MAP2K1: variants seen among roughly 807,000 people sequenced by gnomAD.
The protein encoded by MAP2K1 is dual specificity mitogen-activated protein kinase kinase 1.
In MAP2K1, 16 loss-of-function variants were observed where a neutral mutation model predicts 46.3. That is an observed-to-expected ratio of 0.35 (90% CI 0.23 to 0.52). MAP2K1 has a LOEUF of 0.52. Ranked by LOEUF, MAP2K1 falls within the 20% of genes least tolerant of loss-of-function variation. The pLI, the probability that MAP2K1 is intolerant of heterozygous loss-of-function variation, is 0.94. For missense variants in MAP2K1, 263 were observed against 497.1 expected, an observed-to-expected ratio of 0.53 and a Z score of 4.48; for synonymous variants, 183 against 185.6, an observed-to-expected ratio of 0.99 and a Z score of 0.11.
At chr15:66,458,489 G>A (rs772499623) in intron 5 of MAP2K1, among the ~76,000 whole-genome samples, 1 of 151,754 alleles carries the variant, frequency 6.6e-6, no homozygotes, top group Admixed American at 6.6e-5. Flanking sequence ...TAAATTTTAC[G>A]TATTTATGTG....
intron 5 of MAP2K1, 97 bp downstream of exon 5, chr15:66,444,804 G>A (rs1469616210): frequency 9.8e-7 from 1 of 1,017,268 alleles, no homozygotes; most frequent in East Asian, 2.4e-5. Flanking sequence ...TCGTGTAAAA[G>A]CCTTTTAATA....
intron 1 of MAP2K1, among the ~76,000 whole-genome samples, chr15:66,387,687 AG>A (rs1287303133): frequency 6.6e-6 from 1 of 152,190 alleles, no homozygotes; most frequent in Non-Finnish European, 1.5e-5. Context: ...GCCACTGTAC[AG>A]TCTTCTCCCA....
At chr15:66,439,802 G>A (rs2093498613) in intron 3 of MAP2K1, among the ~76,000 whole-genome samples, 1 of 151,874 alleles carries the variant, frequency 6.6e-6, no homozygotes, top group African/African-American at 2.4e-5. Flanking sequence ...TGGCGTGGAG[G>A]CAGGTGCCTA....
intron 5 of MAP2K1, among the ~76,000 whole-genome samples, chr15:66,476,790 AG>A (rs1892764341): frequency 6.6e-6 from 1 of 152,208 alleles, no homozygotes; most frequent in African/African-American, 2.4e-5. Flanking sequence ...TGCTGGAGAC[AG>A]GAACAGTGTG....
At chr15:66,432,535 A>G (rs1456958468) in intron 1 of MAP2K1, among the ~76,000 whole-genome samples, 1 of 152,224 alleles carries the variant, frequency 6.6e-6, no homozygotes, top group Non-Finnish European at 1.5e-5. Context: ...CAGATCCATC[A>G]TCAGATTGAT....
At chr15:66,387,488 A>G in intron 1 of MAP2K1, 61 bp downstream of exon 1, 1 of 1,493,600 alleles carries the variant, frequency 6.7e-7, no homozygotes, top group Non-Finnish European at 9.1e-7. Flanking sequence ...GCCGGGGAGC[A>G]GGAGCGCGCG....
chr15:66,417,172 G>A (rs1214147845), intron 1 of MAP2K1, among the ~76,000 whole-genome samples: 1 of 152,096 alleles, frequency 6.6e-6, no homozygotes, highest in Admixed American at 6.5e-5. Context: ...TTTTAATTAA[G>A]TTTCTTTCTG....
chr15:66,387,455 G>A (rs374238278), intron 1 of MAP2K1, 28 bp downstream of exon 1: 1 of 1,549,362 alleles, frequency 6.5e-7, no homozygotes, highest in South Asian at 1.2e-5. Flanking sequence ...GGTGAACCTC[G>A]GGGCCCGGCT....
rs1398952648 is a variant in MAP2K1 at position 66,387,120 on chromosome 15, GCT to G, written c.-223_-222del. On this transcript the variant is annotated 5_prime_UTR_variant, in exon 1 of 11. Transcript: ENST00000307102. ...TCCGCTCCTGCAGGGCAGCCTTTCG[GCT>G]CTCTGCGCGCGAAGCCGAGTCCCGG... 1.4e-5 allele frequency: 6 copies of G among 443,304 alleles called. No individual in the cohort carries two copies. The highest frequency in any genetic ancestry group is 1.1e-4 in the East Asian group (3 of 26,806). The allele number at this position is 443,304 out of a possible 1,614,324, so 27.5% of individuals were successfully genotyped here. A position where few individuals can be genotyped will look rare whatever the true frequency, so the allele number is the denominator to read the frequency against.
chr15:66,432,047 A>C (rs2093476299), intron 1 of MAP2K1, among the ~76,000 whole-genome samples: 1 of 152,228 alleles, frequency 6.6e-6, no homozygotes. Flanking sequence ...ATGTCTGCAT[A>C]GTATTCCATG....
chr15:66,418,967 T>G (rs1227961920), intron 1 of MAP2K1, among the ~76,000 whole-genome samples: 1 of 107,010 alleles, frequency 9.3e-6, no homozygotes, highest in South Asian at 2.9e-4. Context: ...TTTTTTTTTT[T>G]CCTTTTTTCT....
At chr15:66,388,357 G>T (rs1392172962) in intron 1 of MAP2K1, among the ~76,000 whole-genome samples, 1 of 152,092 alleles carries the variant, frequency 6.6e-6, no homozygotes, top group Non-Finnish European at 1.5e-5. Flanking sequence ...GAAAAGATTA[G>T]GTTATTATTA....
intron 1 of MAP2K1, among the ~76,000 whole-genome samples, chr15:66,410,115 T>C (rs934843872): frequency 6.6e-6 from 1 of 152,218 alleles, no homozygotes; most frequent in African/African-American, 2.4e-5. Context: ...TCCGGATCCG[T>C]TGACTTCTCT....
chr15:66,490,793 TTATTAC>T lies in MAP2K1; in HGVS notation c.*184_*189del, dbSNP rs1451771566. Reference sequence around the variant, plus strand: ...ATTTTTAATATTACTGTCTTTATTCTTATTACTATTATTGTTCCCCTAAGTGGATTG... The same window carrying T: ...ATTTTTAATATTACTGTCTTTATTCTTATTATTGTTCCCCTAAGTGGATTG... On this transcript the variant is annotated 3_prime_UTR_variant, in exon 11 of 11. Transcript: ENST00000307102. 1.0e-5 allele frequency: 7 copies of T among 684,996 alleles called. No individual in the cohort carries two copies. In the East Asian group the frequency reaches 1.6e-4, roughly 16 times the overall value. The allele number at this position is 684,996 out of a possible 1,614,324, so 42.4% of individuals were successfully genotyped here. A position where few individuals can be genotyped will look rare whatever the true frequency, so the allele number is the denominator to read the frequency against.
At chr15:66,432,403 G>A (rs1033725928) in intron 1 of MAP2K1, among the ~76,000 whole-genome samples, 8 of 152,220 alleles carry the variant, frequency 5.3e-5, no homozygotes, top group Admixed American at 1.3e-4. Flanking sequence ...TCCAGAAGGT[G>A]TAAGAATTAC....
At chr15:66,429,969 C>T (rs527809493) in intron 1 of MAP2K1, among the ~76,000 whole-genome samples, 2 of 152,200 alleles carry the variant, frequency 1.3e-5, no homozygotes, top group East Asian at 1.9e-4. Context: ...GTCACATTGA[C>T]GGACTTGAAC....
At chr15:66,390,585 G>T (rs2093354098) in intron 1 of MAP2K1, among the ~76,000 whole-genome samples, 1 of 152,080 alleles carries the variant, frequency 6.6e-6, no homozygotes, top group Non-Finnish European at 1.5e-5. Context: ...GGTCCTCAAA[G>T]AAAAATCATG....
chr15:66,400,656 C>G (rs190261608), intron 1 of MAP2K1, among the ~76,000 whole-genome samples: 2 of 152,178 alleles, frequency 1.3e-5, no homozygotes, highest in African/African-American at 2.4e-5. Context: ...TTTAGAGGCT[C>G]AGTTACATGT....
chr15:66,390,433 A>AT (rs2093353781), intron 1 of MAP2K1, among the ~76,000 whole-genome samples: 2 of 152,204 alleles, frequency 1.3e-5, no homozygotes, highest in Non-Finnish European at 2.9e-5. Context: ...AAGAAAATCC[A>AT]TTTTGACAGT....
Sources: gnomAD v4.1 joint callset for allele counts (sites outside exome capture counted in the v4.1 genomes callset) on GRCh38, gnomAD v4.1.1 for gene constraint, MANE v1.5 for transcripts, NCBI Gene and HGNC (gene_info 2026-07-23, HGNC 2026-07-21) for gene names.